Variants in TNKS observed in about 807,000 individuals in gnomAD.
The protein encoded by TNKS is poly [ADP-ribose] polymerase tankyrase-1.
In TNKS, 72 loss-of-function variants were observed where a neutral mutation model predicts 135.8. That is an observed-to-expected ratio of 0.53 (90% confidence interval 0.44 to 0.64). The LOEUF (loss-of-function observed/expected upper bound fraction) is 0.64. TNKS is among the 30% of genes least tolerant of loss of function. TNKS has a pLI of 0.00. For missense variants in TNKS, 1,769 were observed against 1,674.0 expected, an observed-to-expected ratio of 1.06 and a Z score of -0.99; for synonymous variants, 849 against 649.3, an observed-to-expected ratio of 1.31 and a Z score of -4.68.
chr8:9,640,977 A>G (rs149435382), intron 3 of TNKS, among the ~76,000 whole-genome samples: 1,539 of 145,518 alleles, frequency 0.011, 182 homozygotes, highest in Middle Eastern at 0.052. Flanking sequence ...ACAAACATCT[A>G]CCTCCTTAGC....
rs1808428595 is a variant in TNKS at position 9,780,803 on chromosome 8, G to C, written c.*4067G>C. Reference sequence around the variant, plus strand: ...TATTTTATGATGGTATATTTCATAAGTAATATTCCCTTACATGCAATGGAG... The same window carrying C: ...TATTTTATGATGGTATATTTCATAACTAATATTCCCTTACATGCAATGGAG... On this transcript the variant is annotated 3_prime_UTR_variant, in exon 27 of 27. Coordinates refer to ENST00000310430, the MANE Select transcript of TNKS (RefSeq NM_003747.3). 1 of 152,132 alleles carries C rather than the reference G, an allele frequency of 6.6e-6. No homozygotes were observed. Among genetic ancestry groups the C allele is most frequent in the Non-Finnish European group, 1.5e-5 (1 of 68,032 alleles). 9.4% of individuals were successfully genotyped at this position (152,132 alleles called of 1,614,324 possible). A position where few individuals can be genotyped will look rare whatever the true frequency, so the allele number is the denominator to read the frequency against.
At chr8:9,635,148 C>A (rs1585258525) in intron 3 of TNKS, among the ~76,000 whole-genome samples, 1 of 146,798 alleles carries the variant, frequency 6.8e-6, no homozygotes, top group Non-Finnish European at 1.5e-5. Flanking sequence ...CCAGCCTGGA[C>A]GACAGAGCGA....
intron 3 of TNKS, among the ~76,000 whole-genome samples, chr8:9,650,640 T>C (rs1193945277): frequency 6.6e-6 from 1 of 152,220 alleles, no homozygotes; most frequent in Admixed American, 6.5e-5. Flanking sequence ...TTCATGTCCT[T>C]TGCCCACTTT....
intron 3 of TNKS, among the ~76,000 whole-genome samples, chr8:9,677,717 A>T (rs1802605104): frequency 6.6e-6 from 1 of 152,076 alleles, no homozygotes; most frequent in South Asian, 2.1e-4. Context: ...ATATTGCAGT[A>T]TTTTCTCATT....
chr8:9,659,009 G>T (rs1384523662), intron 3 of TNKS, among the ~76,000 whole-genome samples: 1 of 152,180 alleles, frequency 6.6e-6, no homozygotes, highest in African/African-American at 2.4e-5. Flanking sequence ...TAATGGTAAA[G>T]GGATCAATTC....
In TNKS at chr8:9,556,136, C is replaced by G. The variant is rs563848808; in HGVS notation, c.197C>G (p.Pro66Arg). ...FASPRHGLAL[P>R]EGDGSRDPPD... ...TCCCCGCGGCACGGCCTAGCGCTGCCGGAGGGGGATGGCAGTCGGGATCCG... is the reference window on the plus strand; with the variant it reads ...TCCCCGCGGCACGGCCTAGCGCTGCGGGAGGGGGATGGCAGTCGGGATCCG... The change falls in exon 1 of 27, where the codon CCG becomes CGG. Residue 66 changes from proline to arginine, a missense_variant. Coordinates refer to ENST00000310430, the MANE Select transcript of TNKS (RefSeq NM_003747.3). 3.1e-6 allele frequency: 5 copies of G among 1,606,758 alleles called. No homozygotes were observed. Among genetic ancestry groups the G allele is most frequent in the Admixed American group, 1.7e-5 (1 of 59,734 alleles).
Position 9,776,847 on chromosome 8 carries a change from A to G in TNKS, c.*111A>G. The G allele has an allele frequency of 9.7e-7, 1 of 1,027,820 alleles. No individual in the cohort carries two copies. Among genetic ancestry groups the G allele is most frequent in the East Asian group, 2.5e-5 (1 of 39,470 alleles). The allele number at this position is 1,027,820 out of a possible 1,614,324, so 63.7% of individuals were successfully genotyped here. A position where few individuals can be genotyped will look rare whatever the true frequency, so the allele number is the denominator to read the frequency against. ...TAGAAGTCCCTGACAGCCTAGAAAT[A>G]AGCTGTTTGTCTTCTATAAAGCATT... On this transcript the variant is annotated 3_prime_UTR_variant, in exon 27 of 27. Coordinates refer to ENST00000310430, the MANE Select transcript of TNKS (RefSeq NM_003747.3).
At chr8:9,762,675 G>C (rs1394186098) in intron 21 of TNKS, among the ~76,000 whole-genome samples, 1 of 152,136 alleles carries the variant, frequency 6.6e-6, no homozygotes, top group Non-Finnish European at 1.5e-5. Flanking sequence ...GGCCGAGGCA[G>C]GCAGATCATG....
At chr8:9,720,741 T>A (rs1272342685) in intron 12 of TNKS, among the ~76,000 whole-genome samples, 196 bp downstream of exon 12, 2 of 152,180 alleles carry the variant, frequency 1.3e-5, no homozygotes, top group African/African-American at 2.4e-5. Flanking sequence ...AGATACAGCT[T>A]TTAGTTTTTT....
At chr8:9,656,094 A>C (rs1326729741) in intron 3 of TNKS, among the ~76,000 whole-genome samples, 1 of 152,244 alleles carries the variant, frequency 6.6e-6, no homozygotes, top group Admixed American at 6.5e-5. Context: ...TATGTGACGA[A>C]TGCACAAGCC....
intron 15 of TNKS, 36 bp downstream of exon 15, chr8:9,733,480 T>C (rs754590327): frequency 3.2e-6 from 5 of 1,541,392 alleles, no homozygotes; most frequent in Non-Finnish European, 3.5e-6. Flanking sequence ...TATAACTAAT[T>C]TTATTTATAT....
chr8:9,740,190 A>G (rs998324782), intron 17 of TNKS, among the ~76,000 whole-genome samples: 1 of 152,008 alleles, frequency 6.6e-6, no homozygotes, highest in Non-Finnish European at 1.5e-5. Flanking sequence ...GAAGTAACTA[A>G]GGCCCACTCA....
rs183752852 is a variant in TNKS, at chr8:9,586,484, C to T, written c.898+6101C>T. Among the ~76,000 whole-genome samples the T allele has an allele frequency of 2.8e-3, 425 of 152,042 alleles. 2 individuals carry two copies. Among genetic ancestry groups the T allele is most frequent in the African/African-American group, 8.9e-3 (370 of 41,490 alleles). On this transcript the variant is annotated intron_variant, in intron 2 of 26. Transcript: ENST00000310430. ...TATAAAATTATATTTTATGATTCTG[C>T]TGAGAGAGAGCAAAAATAAAATTAT...
intron 14 of TNKS, 137 bp downstream of exon 14, chr8:9,731,172 G>T: frequency 8.6e-7 from 1 of 1,168,308 alleles, no homozygotes; most frequent in South Asian, 1.9e-5. Flanking sequence ...TTAAAACATA[G>T]AAATGTGCCA....
intron 3 of TNKS, among the ~76,000 whole-genome samples, chr8:9,642,800 G>A (rs931551363): frequency 2.7e-5 from 4 of 145,704 alleles, no homozygotes; most frequent in African/African-American, 1.0e-4. Context: ...TCTCATAAAA[G>A]TTCATGTAAA....
At chr8:9,602,913 A>G (rs531520979) in intron 2 of TNKS, among the ~76,000 whole-genome samples, 1 of 152,346 alleles carries the variant, frequency 6.6e-6, no homozygotes, top group African/African-American at 2.4e-5. Context: ...AATTGAAACA[A>G]CGTTTTCATG....
intron 11 of TNKS, among the ~76,000 whole-genome samples, chr8:9,712,272 G>C (rs1334099876): frequency 6.6e-6 from 1 of 152,178 alleles, no homozygotes; most frequent in Non-Finnish European, 1.5e-5. Flanking sequence ...TTGAGGCCAG[G>C]AGTTCGACAC....
At chr8:9,641,514 A>G (rs1800731691) in intron 3 of TNKS, among the ~76,000 whole-genome samples, 4 of 145,910 alleles carry the variant, frequency 2.7e-5, no homozygotes, top group Admixed American at 2.2e-4. Context: ...AATTTTGTAT[A>G]GGATATGGAA....
intron 3 of TNKS, among the ~76,000 whole-genome samples, chr8:9,655,005 AG>A (rs1159167986): frequency 6.6e-6 from 1 of 152,192 alleles, no homozygotes; most frequent in Non-Finnish European, 1.5e-5. Context: ...AGTCAAAGAA[AG>A]GGGTGACAGA....
Sources: allele counts gnomAD v4.1 joint callset (sites outside exome capture counted in the v4.1 genomes callset), GRCh38; gene constraint gnomAD v4.1.1; transcripts MANE v1.5; gene names NCBI Gene and HGNC (gene_info 2026-07-23, HGNC 2026-07-21).